PPARA: variants seen among roughly 807,000 people sequenced by gnomAD.
The protein encoded by PPARA is peroxisome proliferator-activated receptor alpha.
In PPARA, 22 loss-of-function variants were observed where a neutral mutation model predicts 42.2. That is an observed-to-expected ratio of 0.52 (90% CI 0.37 to 0.74). PPARA has a LOEUF of 0.74. Ranked by LOEUF, PPARA falls within the 30% of genes least tolerant of loss-of-function variation. The probability of loss-of-function intolerance (pLI) is 0.00; values close to 1 mark genes in which losing one functional copy is unlikely to be tolerated. For missense variants in PPARA, 465 were observed against 608.2 expected (o/e 0.76, Z 2.48); for synonymous variants, 242 against 239.3 (o/e 1.01, Z -0.10).
In PPARA at chr22:46,161,108, A is replaced by T. The variant is rs1926099960; in HGVS notation, c.-127+9138A>T. 6.6e-6 allele frequency among the ~76,000 whole-genome samples: 1 copy of T among 152,218 alleles called. No homozygotes were observed. The highest frequency in any genetic ancestry group is 1.5e-5 in the Non-Finnish European group (1 of 68,038). On this transcript the variant is annotated intron_variant, in intron 2 of 8. Coordinates refer to ENST00000407236, the MANE Select transcript of PPARA (RefSeq NM_005036.6). The surrounding 1 kb of genome is among the most constrained non-coding windows in gnomAD (Gnocchi z 4.8). Reference sequence around the variant, plus strand: ...AAAAGAAACAAGAACCCAGAGGGAAAATATGGCCATGGACTCAGAGAAAAC... The same window carrying T: ...AAAAGAAACAAGAACCCAGAGGGAATATATGGCCATGGACTCAGAGAAAAC...
At position 46,232,343 on chromosome 22, in the gene PPARA, A is replaced by G; in HGVS notation, c.1159+104A>G. On this transcript the variant is annotated intron_variant, in intron 8 of 8. Transcript: ENST00000407236. This position sits in a 1 kb window ranked among gnomAD's most constrained non-coding sequence, Gnocchi z 5.3. ...GTACCAGCCTGAGCTGTTCCAGTGG[A>G]GGGGACACTCACATGGTGGGAAGAC... The G allele has an allele frequency of 1.7e-6, 2 of 1,173,390 alleles. No homozygotes were observed. The highest frequency in any genetic ancestry group is 2.5e-6 in the Non-Finnish European group (2 of 784,738). 72.7% of individuals were successfully genotyped at this position (1,173,390 alleles called of 1,614,324 possible).
intron 2 of PPARA, among the ~76,000 whole-genome samples, chr22:46,176,480 C>T (rs751205272): frequency 5.9e-5 from 9 of 151,966 alleles, no homozygotes; most frequent in Admixed American, 2.0e-4. Flanking sequence ...AGTGAGACTC[C>T]GTATCAGTAC....
rs745764701 is a variant in PPARA, at chr22:46,162,356, G to A, written c.-127+10386G>A. On this transcript the variant is annotated intron_variant, in intron 2 of 8. Transcript: ENST00000407236. This position sits in a 1 kb window ranked among gnomAD's most constrained non-coding sequence, Gnocchi z 6.0. ...TGACATTCCAGGGACTGACCGACACGCTGTCTACACAAACCCCTTCTGGTT... is the reference window on the plus strand; with the variant it reads ...TGACATTCCAGGGACTGACCGACACACTGTCTACACAAACCCCTTCTGGTT... Among the ~76,000 whole-genome samples the A allele has an allele frequency of 2.0e-5, 3 of 152,120 alleles. No individual in the cohort carries two copies. Among genetic ancestry groups the A allele is most frequent in the South Asian group, 2.1e-4 (1 of 4,830 alleles).
rs1316445091 is a variant in PPARA, at chr22:46,195,314, C to T, written c.-42-3028C>T. Among the ~76,000 whole-genome samples the T allele has an allele frequency of 1.3e-5, 2 of 152,122 alleles. No homozygotes were observed. Among genetic ancestry groups the T allele is most frequent in the East Asian group, 1.9e-4 (1 of 5,206 alleles). On this transcript the variant is annotated intron_variant, in intron 3 of 8. Coordinates refer to ENST00000407236, the MANE Select transcript of PPARA (RefSeq NM_005036.6). This position sits in a 1 kb window ranked among gnomAD's most constrained non-coding sequence, Gnocchi z 4.6. The stretch of plus-strand genomic sequence containing the variant: ...AAAAATATTTTAAGTAATGCTTACC[C>T]CATTATGTTTCTTGTCATTTGAAAA...
Position 46,235,726 on chromosome 22 carries a change from T to C in PPARA, c.*346T>C, listed in dbSNP as rs1936170965. 8.8e-6 allele frequency: 3 copies of C among 340,840 alleles called. No homozygotes were observed. Among genetic ancestry groups the C allele is most frequent in the Non-Finnish European group, 1.7e-5 (3 of 176,944 alleles). The allele number at this position is 340,840 out of a possible 1,614,324, so 21.1% of individuals were successfully genotyped here. A position where few individuals can be genotyped will look rare whatever the true frequency, so the allele number is the denominator to read the frequency against. On this transcript the variant is annotated 3_prime_UTR_variant, in exon 9 of 9. Coordinates refer to ENST00000407236, the MANE Select transcript of PPARA (RefSeq NM_005036.6). This position sits in a 1 kb window ranked among gnomAD's most constrained non-coding sequence, Gnocchi z 7.0. ...ATTTAATTAACTGGTAACCTCAAAA[T>C]TCGTGGCCTGTCTTCCCATTCACCC...
intron 4 of PPARA, among the ~76,000 whole-genome samples, chr22:46,207,559 A>G (rs1053194128): frequency 1.3e-5 from 2 of 150,106 alleles, no homozygotes; most frequent in African/African-American, 4.9e-5. Context: ...CTGGGATTAC[A>G]GGCATGAGCC....
rs1931080700 is a variant in PPARA at position 46,188,300 on chromosome 22, C to G, written c.-42-10042C>G. Among the ~76,000 whole-genome samples, 1 of 152,226 alleles carries G rather than the reference C, an allele frequency of 6.6e-6. No individual in the cohort carries two copies. Among genetic ancestry groups the G allele is most frequent in the Non-Finnish European group, 1.5e-5 (1 of 68,034 alleles). On this transcript the variant is annotated intron_variant, in intron 3 of 8. Transcript: ENST00000407236. This position sits in a 1 kb window ranked among gnomAD's most constrained non-coding sequence, Gnocchi z 5.0. ...AGCCAGTTGTTCAGCCATTCTCAAC[C>G]ACTTATTCAATGATGTTTTGGGCCA... is the stretch of plus-strand genomic sequence containing the variant.
At chr22:46,194,611 A>C (rs1931983068) in intron 3 of PPARA, among the ~76,000 whole-genome samples, 1 of 121,884 alleles carries the variant, frequency 8.2e-6, no homozygotes, top group South Asian at 2.4e-4. Flanking sequence ...TCGCTTTGTC[A>C]CCCAGACTGG....
chr22:46,219,622 A>G lies in PPARA; in HGVS notation c.509-190A>G, dbSNP rs1167744439. On this transcript the variant is annotated intron_variant, in intron 6 of 8. Coordinates refer to ENST00000407236, the MANE Select transcript of PPARA (RefSeq NM_005036.6). The surrounding 1 kb of genome is among the most constrained non-coding windows in gnomAD (Gnocchi z 4.8). ...ACCTTCAGCCTGCACCTGTTTAAACATCTACAGTGTATGGAGTTTGAGTTT... is the reference window on the plus strand; with the variant it reads ...ACCTTCAGCCTGCACCTGTTTAAACGTCTACAGTGTATGGAGTTTGAGTTT... Among the ~76,000 whole-genome samples the G allele has an allele frequency of 6.6e-6, 1 of 152,198 alleles. No homozygotes were observed. Among genetic ancestry groups the G allele is most frequent in the African/African-American group, 2.4e-5 (1 of 41,442 alleles).
rs1487415141 is a variant in PPARA at position 46,173,575 on chromosome 22, A to G, written c.-126-3178A>G. ...GGAAATGGTATTCCTTAAAAATGTC[A>G]GTATCATAAAAGACAAAGAAAAGCT... On this transcript the variant is annotated intron_variant, in intron 2 of 8. Coordinates refer to ENST00000407236, the MANE Select transcript of PPARA (RefSeq NM_005036.6). The surrounding 1 kb of genome is among the most constrained non-coding windows in gnomAD (Gnocchi z 4.3). Among the ~76,000 whole-genome samples the G allele has an allele frequency of 2.0e-5, 3 of 152,202 alleles. No individual in the cohort carries two copies. Among genetic ancestry groups the G allele is most frequent in the Non-Finnish European group, 4.4e-5 (3 of 68,044 alleles).
Position 46,231,255 on chromosome 22 carries a change from G to C in PPARA, c.712-537G>C, listed in dbSNP as rs1935847534. On this transcript the variant is annotated intron_variant, in intron 7 of 8. Coordinates refer to ENST00000407236, the MANE Select transcript of PPARA (RefSeq NM_005036.6). The surrounding 1 kb of genome is among the most constrained non-coding windows in gnomAD (Gnocchi z 7.7). ...TTTTTTTGAGACGGAGTCTCGCTCT[G>C]TCACCCAGGCTGGAGTGCAGTGGCG... is the stretch of plus-strand genomic sequence containing the variant. 1.4e-5 allele frequency among the ~76,000 whole-genome samples: 2 copies of C among 147,528 alleles called. No homozygotes were observed. The highest frequency in any genetic ancestry group is 3.0e-5 in the Non-Finnish European group (2 of 67,374).
At position 46,225,014 on chromosome 22, in the gene PPARA, G is replaced by C. The variant is rs1260652832; in HGVS notation, c.711+5000G>C. Among the ~76,000 whole-genome samples the C allele has an allele frequency of 6.6e-6, 1 of 152,034 alleles. No individual in the cohort carries two copies. The highest frequency in any genetic ancestry group is 1.5e-5 in the Non-Finnish European group (1 of 68,020). ...CGGTGGGGGAGTTGTGGGAGGCCTA[G>C]AATCAGCCAGGAGGCTTGGGTCGGG... On this transcript the variant is annotated intron_variant, in intron 7 of 8. Transcript: ENST00000407236. This position sits in a 1 kb window ranked among gnomAD's most constrained non-coding sequence, Gnocchi z 4.1.
intron 7 of PPARA, among the ~76,000 whole-genome samples, chr22:46,223,898 C>T (rs1197943541): frequency 6.7e-6 from 1 of 148,182 alleles, no homozygotes; most frequent in Middle Eastern, 3.5e-3. Context: ...TGCAGGGAGC[C>T]GAGATCACAC....
intron 1 of PPARA, among the ~76,000 whole-genome samples, chr22:46,151,417 C>A (rs1245647984): frequency 6.6e-6 from 1 of 152,220 alleles, no homozygotes; most frequent in Non-Finnish European, 1.5e-5. Context: ...CCGCGTGGTG[C>A]GGGTGAAGCT....
chr22:46,216,192 G>C lies in PPARA; in HGVS notation c.369+859G>C, dbSNP rs1041598427. 6.6e-6 allele frequency among the ~76,000 whole-genome samples: 1 copy of C among 152,068 alleles called. No individual in the cohort carries two copies. The highest frequency in any genetic ancestry group is 1.5e-5 in the Non-Finnish European group (1 of 68,030). The stretch of plus-strand genomic sequence containing the variant: ...GAGGTCAGGAGTTCAAGACCAGCCT[G>C]GCCAACATGGTGAAACCCTGTCTCT... On this transcript the variant is annotated intron_variant, in intron 5 of 8. Coordinates refer to ENST00000407236, the MANE Select transcript of PPARA (RefSeq NM_005036.6). This position sits in a 1 kb window ranked among gnomAD's most constrained non-coding sequence, Gnocchi z 4.5.
At chr22:46,218,759 G>A (rs371532009) in intron 6 of PPARA, among the ~76,000 whole-genome samples, 59 of 151,774 alleles carry the variant, frequency 3.9e-4, no homozygotes, top group African/African-American at 1.4e-3. Flanking sequence ...GCTTGAACCC[G>A]GGAGGCGGAG....
In PPARA at chr22:46,218,352, C is replaced by T; in HGVS notation, c.459C>T (p.Cys153=). The T allele has an allele frequency of 1.2e-6, 2 of 1,614,066 alleles. No individual in the cohort carries two copies. The highest frequency in any genetic ancestry group is 1.7e-6 in the Non-Finnish European group (2 of 1,180,004). The part of the protein sequence containing the change: ...CKIQKKNRNK[C]QYCRFHKCLS... Reference sequence around the variant, plus strand: ...TCCAGAAAAAGAACAGAAACAAATGCCAGTATTGTCGATTTCACAAGTGCC... The same window carrying T: ...TCCAGAAAAAGAACAGAAACAAATGTCAGTATTGTCGATTTCACAAGTGCC... Residue 153 remains cysteine (C), a synonymous_variant, in exon 6 of 9, where the codon TGC becomes TGT. Coordinates refer to ENST00000407236, the MANE Select transcript of PPARA (RefSeq NM_005036.6).
intron 4 of PPARA, among the ~76,000 whole-genome samples, chr22:46,201,484 G>T (rs897080850): frequency 6.6e-6 from 1 of 152,118 alleles, no homozygotes; most frequent in South Asian, 2.1e-4. Flanking sequence ...AGAGCAGTGG[G>T]GAAGGGGACA....
chr22:46,159,202 C>G (rs944157951), intron 2 of PPARA, among the ~76,000 whole-genome samples: 1 of 147,018 alleles, frequency 6.8e-6, no homozygotes, highest in African/African-American at 2.6e-5. Context: ...TCTGTTCTAT[C>G]TGTGCATTGG....
Sources: gnomAD v4.1 joint callset for allele counts (sites outside exome capture counted in the v4.1 genomes callset) on GRCh38, gnomAD v4.1.1 for gene constraint, Gnocchi (gnomAD v3.1) non-coding constraint, MANE v1.5 for transcripts, NCBI Gene and HGNC (gene_info 2026-07-23, HGNC 2026-07-21) for gene names.